The following LMNB1 variants were observed in gnomAD, a reference collection of about 807,000 sequenced individuals.
LMNB1 encodes lamin-B1.
LMNB1 carries 23 observed loss-of-function variants against 67.1 expected under a neutral mutation model. The ratio of observed to expected loss-of-function variants is 0.34; its 90% confidence interval spans 0.25 to 0.49. The LOEUF (loss-of-function observed/expected upper bound fraction) is 0.49, where lower values mean the gene tolerates loss of function less well. LMNB1 is among the 20% of genes least tolerant of loss of function. The pLI, the probability that LMNB1 is intolerant of heterozygous loss-of-function variation, is 0.99. For missense variants in LMNB1, 634 were observed against 746.5 expected (o/e 0.85, Z 1.76); for synonymous variants, 281 against 282.9 (o/e 0.99, Z 0.07).
intron 1 of LMNB1, among the ~76,000 whole-genome samples, chr5:126,795,949 T>TTTTTTTTTTTTTG (rs1751079121): frequency 2.8e-5 from 4 of 145,304 alleles, no homozygotes; most frequent in East Asian, 2.0e-4. Context: ...TTTTTTTTTT[T>TTTTTTTTTTTTTG]GAGACGGAGT....
rs192598642 is a variant in LMNB1 at position 126,804,367 on chromosome 5, T to C, written c.360-409T>C. ...TGATGTGATTACAGACGTAAGCCAC[T>C]GCGCTCAGCATGATATCCTGACTTA... On this transcript the variant is annotated intron_variant, in intron 1 of 10. Transcript: ENST00000261366. 1.3e-3 allele frequency among the ~76,000 whole-genome samples: 197 copies of C among 150,660 alleles called. 1 individual carries two copies. The Middle Eastern group carries it at 0.035, about 27-fold the overall frequency.
intron 1 of LMNB1, among the ~76,000 whole-genome samples, chr5:126,789,564 T>C (rs1343996288): frequency 6.6e-6 from 1 of 152,188 alleles, no homozygotes; most frequent in Non-Finnish European, 1.5e-5. Context: ...ACCCTCCAGC[T>C]TCATCTCATA....
At chr5:126,785,467 T>TC (rs1357244018) in intron 1 of LMNB1, among the ~76,000 whole-genome samples, 1 of 147,718 alleles carries the variant, frequency 6.8e-6, no homozygotes, top group African/African-American at 2.5e-5. Context: ...ATTTTTTTTT[T>TC]CTTTTTCTTT....
intron 6 of LMNB1, 56 bp from the exon 7 acceptor site, chr5:126,820,852 TTA>T: frequency 7.6e-7 from 1 of 1,324,334 alleles, no homozygotes; most frequent in Non-Finnish European, 1.1e-6. Context: ...TTTTTTTTTT[TTA>T]AGGCGAGAAG....
chr5:126,819,365 C>A, intron 6 of LMNB1: 1 of 405,886 alleles, frequency 2.5e-6, no homozygotes, highest in South Asian at 4.0e-5. Context: ...AAATGCTGAA[C>A]TGCATCAGGA....
chr5:126,801,047 G>T (rs552444536), intron 1 of LMNB1, among the ~76,000 whole-genome samples: 1 of 122,734 alleles, frequency 8.1e-6, no homozygotes, highest in Non-Finnish European at 1.7e-5. Flanking sequence ...GCAGTGGCAC[G>T]ATCAGGGCTC....
rs72780203 is a variant in LMNB1, at chr5:126,801,993, C to T, written c.360-2783C>T. On this transcript the variant is annotated intron_variant, in intron 1 of 10. Coordinates refer to ENST00000261366, the MANE Select transcript of LMNB1 (RefSeq NM_005573.4). The stretch of plus-strand genomic sequence containing the variant: ...GTTTTATAGTGGGGCAAAATAGAGA[C>T]TCCTTCACAAGTGTCAGTTCATTCC... Among the ~76,000 whole-genome samples, 75 of 152,324 alleles carry T rather than the reference C, an allele frequency of 4.9e-4. 1 individual carries two copies. The highest frequency in any genetic ancestry group is 4.3e-3 in the Admixed American group (66 of 15,300).
chr5:126,810,614 C>T (rs902169943), intron 4 of LMNB1, among the ~76,000 whole-genome samples: 1 of 152,190 alleles, frequency 6.6e-6, no homozygotes, highest in African/African-American at 2.4e-5. Flanking sequence ...ATCATTCGTA[C>T]TATGCCATAG....
At position 126,821,035 on chromosome 5, in the gene LMNB1, G is replaced by C; in HGVS notation, c.1286G>C (p.Ser429Thr). The C allele has an allele frequency of 6.2e-7, 1 of 1,614,010 alleles. No individual in the cohort carries two copies. Among genetic ancestry groups the C allele is most frequent in the Non-Finnish European group, 8.5e-7 (1 of 1,179,916 alleles). Reference sequence around the variant, plus strand: ...GTGGAAGAATCAGAGGCGAGTAGTAGTGTTAGCATCTCTCATTCCGCCTCA... The same window carrying C: ...GTGGAAGAATCAGAGGCGAGTAGTACTGTTAGCATCTCTCATTCCGCCTCA... The part of the protein sequence containing the change: ...VDVEESEASS[S>T]VSISHSASAT... Residue 429 changes from serine (S) to threonine (T), a missense_variant, in exon 7 of 11, where the codon AGT becomes ACT. Physicochemically the swap from Ser to Thr is moderately conservative, Grantham distance 58 (BLOSUM62 1). Coordinates refer to ENST00000261366, the MANE Select transcript of LMNB1 (RefSeq NM_005573.4).
chr5:126,787,524 G>GTATATATATA (rs1179342923), intron 1 of LMNB1, among the ~76,000 whole-genome samples: 36 of 87,638 alleles, frequency 4.1e-4, no homozygotes, highest in African/African-American at 5.9e-4. Context: ...GTGTGTGGGG[G>GTATATATATA]TATATATATA....
chr5:126,800,137 T>C (rs1253573490), intron 1 of LMNB1, among the ~76,000 whole-genome samples: 3 of 152,176 alleles, frequency 2.0e-5, no homozygotes, highest in African/African-American at 7.2e-5. Context: ...TAACAGAAAT[T>C]TTATTGAGTA....
chr5:126,811,552 G>A (rs1751577346), intron 4 of LMNB1, among the ~76,000 whole-genome samples: 1 of 152,080 alleles, frequency 6.6e-6, no homozygotes, highest in African/African-American at 2.4e-5. Context: ...AAAGGCCTAG[G>A]TATATTAGCA....
chr5:126,797,497 G>T (rs995520215), intron 1 of LMNB1, among the ~76,000 whole-genome samples: 13 of 152,164 alleles, frequency 8.5e-5, no homozygotes, highest in Non-Finnish European at 1.9e-4. Context: ...ATAGCTTCTA[G>T]TAATTTAGGA....
At chr5:126,794,451 G>C (rs905709012) in intron 1 of LMNB1, among the ~76,000 whole-genome samples, 14 of 152,242 alleles carry the variant, frequency 9.2e-5, no homozygotes, top group Admixed American at 2.0e-4. Flanking sequence ...TTTTATGTGG[G>C]TATATTTTAC....
upstream of LMNB1, chr5:126,776,890 G>T (rs377225545): frequency 6.6e-6 from 1 of 152,346 alleles, no homozygotes; most frequent in South Asian, 2.1e-4. Context: ...CCTGAGCCTG[G>T]TCCGGGAACC....
At chr5:126,780,063 G>C (rs1750586869) in intron 1 of LMNB1, among the ~76,000 whole-genome samples, 1 of 151,836 alleles carries the variant, frequency 6.6e-6, no homozygotes, top group South Asian at 2.1e-4. Flanking sequence ...GTGGTGGCGG[G>C]CGTCTGTAAT....
intron 5 of LMNB1, among the ~76,000 whole-genome samples, chr5:126,818,676 A>G (rs1219270575): frequency 6.6e-6 from 1 of 152,250 alleles, no homozygotes; most frequent in Non-Finnish European, 1.5e-5. Flanking sequence ...AATTATATGT[A>G]TATTTACAGA....
At chr5:126,797,900 A>T (rs1303418412) in intron 1 of LMNB1, among the ~76,000 whole-genome samples, 1 of 151,816 alleles carries the variant, frequency 6.6e-6, no homozygotes, top group Non-Finnish European at 1.5e-5. Context: ...ACATAGGAAA[A>T]CCCTGTCTTC....
chr5:126,819,570 A>G (rs896323470), intron 6 of LMNB1, among the ~76,000 whole-genome samples: 36 of 151,592 alleles, frequency 2.4e-4, no homozygotes, highest in African/African-American at 8.0e-4. Flanking sequence ...GGCTCACTGC[A>G]ACCTTCACCT....
Sources: gnomAD v4.1 joint callset for allele counts (sites outside exome capture counted in the v4.1 genomes callset) on GRCh38, gnomAD v4.1.1 for gene constraint, MANE v1.5 for transcripts, NCBI Gene and HGNC (gene_info 2026-07-23, HGNC 2026-07-21) for gene names.